FAM83F: variants seen among roughly 807,000 people sequenced by gnomAD.
FAM83F encodes the protein protein FAM83F.
FAM83F carries 45 observed loss-of-function variants against 42.9 expected under a neutral mutation model. The ratio of observed to expected loss-of-function variants is 1.05; its 90% CI spans 0.83 to 1.35. The LOEUF (loss-of-function observed/expected upper bound fraction) is 1.35, where lower values mean the gene tolerates loss of function less well. Among genes scored for constraint, FAM83F ranks in the 40% most tolerant of loss-of-function variants. The pLI is 0.00. For missense variants in FAM83F, 617 were observed against 695.9 expected (o/e 0.89, Z 1.28); for synonymous variants, 306 against 298.3 (o/e 1.03, Z -0.27).
At chr22:40,008,421 G>A (rs1021418970) in intron 1 of FAM83F, among the ~76,000 whole-genome samples, 2 of 152,178 alleles carry the variant, frequency 1.3e-5, no homozygotes, top group Non-Finnish European at 2.9e-5. Flanking sequence ...CAAGTACCGC[G>A]CTGTTGCAGC....
At chr22:39,996,287 A>G (rs1321356946) in intron 1 of FAM83F, among the ~76,000 whole-genome samples, 1 of 152,180 alleles carries the variant, frequency 6.6e-6, no homozygotes, top group African/African-American at 2.4e-5. Context: ...AACAGGTGGA[A>G]GACTTTAATC....
chr22:40,015,307 C>T (rs898184859), intron 1 of FAM83F, among the ~76,000 whole-genome samples: 3 of 152,128 alleles, frequency 2.0e-5, no homozygotes, highest in Admixed American at 6.6e-5. Context: ...GTGGATTGGA[C>T]GAGACATACC....
chr22:40,013,366 AT>A (rs1169102539), intron 1 of FAM83F, among the ~76,000 whole-genome samples: 3 of 151,772 alleles, frequency 2.0e-5, no homozygotes, highest in African/African-American at 7.3e-5. Flanking sequence ...GCTAAAGGGC[AT>A]TTTTTTTCTC....
intron 3 of FAM83F, 110 bp downstream of exon 3, chr22:40,020,118 T>C: frequency 7.0e-7 from 1 of 1,431,482 alleles, no homozygotes; most frequent in Non-Finnish European, 9.3e-7. Flanking sequence ...ACAGGGATCA[T>C]CTGACGCAAT....
At chr22:40,014,605 T>G (rs1432442896) in intron 1 of FAM83F, among the ~76,000 whole-genome samples, 1 of 152,242 alleles carries the variant, frequency 6.6e-6, no homozygotes, top group Non-Finnish European at 1.5e-5. Flanking sequence ...TTTACCATGT[T>G]TACAATTCCT....
rs1350288030 is a variant in FAM83F, at chr22:40,023,729, C to T, written c.1453+1766C>T. 2.0e-5 allele frequency among the ~76,000 whole-genome samples: 3 copies of T among 152,192 alleles called. No individual in the cohort carries two copies. The highest frequency in any genetic ancestry group is 1.3e-4 in the Admixed American group (2 of 15,282). ...TGCCCAGGAGCCAGCCTTGCAGACA[C>T]AGACGGTACCCTTGGGAAGCTCCTC... On this transcript the variant is annotated intron_variant, in intron 4 of 4. Transcript: ENST00000333407. The surrounding 1 kb of genome is among the most constrained non-coding windows in gnomAD (Gnocchi z 4.1).
intron 1 of FAM83F, chr22:39,999,014 G>A (rs894584985): frequency 1.3e-5 from 2 of 152,240 alleles, no homozygotes; most frequent in Non-Finnish European, 2.9e-5. Flanking sequence ...CAACTTGGAA[G>A]GATTGTGCAT....
At chr22:39,999,625 AAGG>A (rs1210002517) in intron 1 of FAM83F, among the ~76,000 whole-genome samples, 2 of 152,210 alleles carry the variant, frequency 1.3e-5, no homozygotes, top group African/African-American at 4.8e-5. Context: ...AGACCAGGAC[AAGG>A]AGGTTACACA....
intron 1 of FAM83F, among the ~76,000 whole-genome samples, chr22:40,004,491 C>T (rs894730642): frequency 3.9e-5 from 6 of 152,044 alleles, no homozygotes; most frequent in African/African-American, 7.2e-5. Context: ...TTAGTAGAGA[C>T]GTGGTTTCAC....
rs903800167 is a variant in FAM83F at position 40,034,983 on chromosome 22, C to T, written c.*5418C>T. 2 of 152,142 alleles carry T rather than the reference C, an allele frequency of 1.3e-5. No individual in the cohort carries two copies. Among genetic ancestry groups the T allele is most frequent in the Non-Finnish European group, 2.9e-5 (2 of 68,052 alleles). The allele number at this position is 152,142 out of a possible 1,614,324, so 9.4% of individuals were successfully genotyped here. A position where few individuals can be genotyped will look rare whatever the true frequency, so the allele number is the denominator to read the frequency against. On this transcript the variant is annotated 3_prime_UTR_variant, in exon 5 of 5. Coordinates refer to ENST00000333407, the MANE Select transcript of FAM83F (RefSeq NM_138435.4). Reference sequence around the variant, plus strand: ...CTGGGCCTGCAGGCCTCTAGCTGCTCAAGGATGGCCCTGTCTGCATGCTTC... The same window carrying T: ...CTGGGCCTGCAGGCCTCTAGCTGCTTAAGGATGGCCCTGTCTGCATGCTTC...
intron 4 of FAM83F, among the ~76,000 whole-genome samples, chr22:40,028,163 C>G (rs2067565389): frequency 6.6e-6 from 1 of 152,202 alleles, no homozygotes; most frequent in Non-Finnish European, 1.5e-5. Context: ...AGCCTCCTGC[C>G]CAAAGGTGGG....
At chr22:40,024,056 G>A (rs1205016144) in intron 4 of FAM83F, among the ~76,000 whole-genome samples, 2 of 152,188 alleles carry the variant, frequency 1.3e-5, no homozygotes, top group Non-Finnish European at 2.9e-5. Context: ...CTGGAGTGCA[G>A]TGGTGCGACC....
intron 4 of FAM83F, among the ~76,000 whole-genome samples, chr22:40,025,149 G>A (rs1198939774): frequency 1.3e-5 from 2 of 152,222 alleles, no homozygotes; most frequent in Non-Finnish European, 2.9e-5. Context: ...GCCAGGCGCG[G>A]TGGCTCATGC....
Position 40,032,425 on chromosome 22 carries a change from C to T in FAM83F, c.*2860C>T, listed in dbSNP as rs1195151095. On this transcript the variant is annotated 3_prime_UTR_variant, in exon 5 of 5. Transcript: ENST00000333407. ...CCTGTCCTTAATCTTATCCCTGACC[C>T]CTCGAGGGCTTTCAAGATAGCCTCT... 3.9e-5 allele frequency: 6 copies of T among 152,192 alleles called. No homozygotes were observed. Among genetic ancestry groups the T allele is most frequent in the Non-Finnish European group, 7.3e-5 (5 of 68,044 alleles). The allele number at this position is 152,192 out of a possible 1,614,324, so 9.4% of individuals were successfully genotyped here.
At chr22:40,005,367 T>A (rs2067422121) in intron 1 of FAM83F, among the ~76,000 whole-genome samples, 1 of 152,270 alleles carries the variant, frequency 6.6e-6, no homozygotes, top group Non-Finnish European at 1.5e-5. Flanking sequence ...AAGCTAATGT[T>A]AAAATGAGCT....
chr22:40,023,896 C>T lies in FAM83F; in HGVS notation c.1453+1933C>T, dbSNP rs1162635759. Among the ~76,000 whole-genome samples, 2 of 152,192 alleles carry T rather than the reference C, an allele frequency of 1.3e-5. No individual in the cohort carries two copies. The highest frequency in any genetic ancestry group is 2.9e-5 in the Non-Finnish European group (2 of 68,032). On this transcript the variant is annotated intron_variant, in intron 4 of 4. Transcript: ENST00000333407. This position sits in a 1 kb window ranked among gnomAD's most constrained non-coding sequence, Gnocchi z 4.1. Reference sequence around the variant, plus strand: ...TAGACGAACACAGAGCAGCCTCCTCCGGTAAGGCTTCTGCCCACCTGGGTG... The same window carrying T: ...TAGACGAACACAGAGCAGCCTCCTCTGGTAAGGCTTCTGCCCACCTGGGTG...
rs912721905 is a variant in FAM83F, at chr22:40,014,425, A to G, written c.490-4743A>G. ...ATTATGATTTCTTCCTCTCGACCCC[A>G]TAAATGTTTTAAATTAAAATGATAC... On this transcript the variant is annotated intron_variant, in intron 1 of 4. Transcript: ENST00000333407. 1.3e-5 allele frequency among the ~76,000 whole-genome samples: 2 copies of G among 152,026 alleles called. 1 individual carries two copies. Among genetic ancestry groups the G allele is most frequent in the African/African-American group, 4.8e-5 (2 of 41,428 alleles).
chr22:39,996,638 C>G (rs2067374556), intron 1 of FAM83F, among the ~76,000 whole-genome samples: 1 of 152,140 alleles, frequency 6.6e-6, no homozygotes, highest in South Asian at 2.1e-4. Flanking sequence ...TCCTGGTTCC[C>G]CTCGAGGCTG....
intron 4 of FAM83F, among the ~76,000 whole-genome samples, chr22:40,028,984 A>G (rs557431832): frequency 6.6e-6 from 1 of 152,296 alleles, no homozygotes; most frequent in Admixed American, 6.5e-5. Context: ...AGAATGCGGC[A>G]GCCCGGGAGG....
Sources: gnomAD v4.1 joint callset for allele counts (sites outside exome capture counted in the v4.1 genomes callset) on GRCh38, gnomAD v4.1.1 for gene constraint, Gnocchi (gnomAD v3.1) non-coding constraint, MANE v1.5 for transcripts, NCBI Gene and HGNC (gene_info 2026-07-23, HGNC 2026-07-21) for gene names.